DMD: variants seen among roughly 807,000 people sequenced by gnomAD.
The protein encoded by DMD is dystrophin.
DMD carries 63 observed loss-of-function variants against 330.1 expected under a neutral mutation model. That is an observed-to-expected ratio of 0.19 (90% CI 0.16 to 0.24). The LOEUF (loss-of-function observed/expected upper bound fraction) is 0.24, where lower values mean the gene tolerates loss of function less well. DMD is among the 10% of genes least tolerant of loss of function. The pLI is 1.00. For missense variants in DMD, 3,344 were observed against 2,684.1 expected (o/e 1.25, Z -5.43); for synonymous variants, 1,223 against 959.8 (o/e 1.27, Z -5.07).
At chrX:32,503,513 A>C (rs550476123) in intron 18 of DMD, among the ~76,000 whole-genome samples, 5 of 112,144 alleles carry the variant, frequency 4.5e-5, no homozygotes, top group South Asian at 3.7e-4. Flanking sequence ...TGTATCTGAA[A>C]AGACTATCTA....
rs771967319 is a variant in DMD at position 32,470,098 on chromosome X, G to C, written c.2950-1388C>G. On this transcript the variant is annotated intron_variant, in intron 22 of 78. Coordinates refer to ENST00000357033, the MANE Select transcript of DMD (RefSeq NM_004006.3). ...ATATCTTTTGTGTGTATGCAATTTA[G>C]TATGCAAAAAAAATTCTCATCTTGT... Among the ~76,000 whole-genome samples the C allele has an allele frequency of 9.9e-5, 11 of 111,037 alleles. No individual in the cohort carries two copies. The East Asian group carries it at 2.5e-3, about 25-fold the overall frequency.
intron 55 of DMD, among the ~76,000 whole-genome samples, chrX:31,581,959 TG>T (rs757956750): frequency 8.9e-6 from 1 of 111,996 alleles, no homozygotes; most frequent in Non-Finnish European, 1.9e-5. Context: ...TTTACATACT[TG>T]TATACCAGTG....
At chrX:32,133,180 G>C (rs1486598001) in intron 44 of DMD, among the ~76,000 whole-genome samples, 1 of 108,498 alleles carries the variant, frequency 9.2e-6, no homozygotes, top group Admixed American at 9.9e-5. Context: ...AGCTAATTTT[G>C]TATTTTTAGT....
rs150419246 is a variant in DMD, at chrX:31,295,737, G to A, written c.9224+27861C>T. 2.3e-4 allele frequency among the ~76,000 whole-genome samples: 26 copies of A among 112,134 alleles called. No individual in the cohort carries two copies. In the East Asian group the frequency reaches 7.3e-3, roughly 31 times the overall value. On this transcript the variant is annotated intron_variant, in intron 62 of 78. Transcript: ENST00000357033. ...CCTTGACTTAGTACTTTGTATTGGT[G>A]ATATATGGAATTGATTTCAACATTT...
chrX:31,376,215 C>A, intron 60 of DMD, among the ~76,000 whole-genome samples: 1 of 112,286 alleles, frequency 8.9e-6, no homozygotes, highest in Middle Eastern at 4.6e-3. Flanking sequence ...TCTTTAAAAT[C>A]ACCACCATAA....
chrX:31,354,603 C>A (rs1283170523), intron 60 of DMD, among the ~76,000 whole-genome samples: 2 of 111,576 alleles, frequency 1.8e-5, no homozygotes, highest in Non-Finnish European at 3.8e-5. Context: ...GTTATGAGGG[C>A]TATATATTAT....
chrX:31,707,836 G>C (rs1210772533), intron 52 of DMD, among the ~76,000 whole-genome samples: 1 of 110,286 alleles, frequency 9.1e-6, no homozygotes, highest in African/African-American at 3.3e-5. Flanking sequence ...AGGACACTAA[G>C]CCCGAATCTC....
At chrX:32,655,441 A>G (rs1482125147) in intron 9 of DMD, among the ~76,000 whole-genome samples, 2 of 111,744 alleles carry the variant, frequency 1.8e-5, no homozygotes, top group African/African-American at 6.5e-5. Context: ...CATGTAGTTG[A>G]GTGGTTTTGA....
At chrX:31,421,942 CATAT>C (rs1193667881) in intron 60 of DMD, among the ~76,000 whole-genome samples, 19 of 47,678 alleles carry the variant, frequency 4.0e-4, no homozygotes, top group African/African-American at 2.6e-3. Flanking sequence ...TACACACACA[CATAT>C]ATATATATAT....
chrX:31,828,453 C>T (rs183907500), intron 49 of DMD, among the ~76,000 whole-genome samples: 1 of 110,116 alleles, frequency 9.1e-6, no homozygotes. Context: ...ATCACTAGGT[C>T]AGGAGTTCGA....
At chrX:33,115,257 C>T (rs185719396) in intron 1 of DMD, among the ~76,000 whole-genome samples, 5 of 111,970 alleles carry the variant, frequency 4.5e-5, no homozygotes, top group African/African-American at 1.3e-4. Context: ...CAGGGATATA[C>T]ACTCCACATA....
chrX:32,952,958 A>C (rs2091337049), intron 2 of DMD, among the ~76,000 whole-genome samples: 1 of 109,539 alleles, frequency 9.1e-6, no homozygotes, highest in Non-Finnish European at 1.9e-5. Flanking sequence ...AACATGGTGA[A>C]GCCCCGTCTC....
At chrX:33,196,227 A>C in intron 1 of DMD, among the ~76,000 whole-genome samples, 1 of 112,130 alleles carries the variant, frequency 8.9e-6, no homozygotes, top group Non-Finnish European at 1.9e-5. Flanking sequence ...ACACAAAATT[A>C]CATGAACCAA....
chrX:32,593,268 T>C (rs2149253300), intron 13 of DMD, among the ~76,000 whole-genome samples: 1 of 112,980 alleles, frequency 8.9e-6, no homozygotes, highest in East Asian at 2.8e-4. Flanking sequence ...GATCTTAGCT[T>C]AAAGAAAACT....
At chrX:32,063,604 C>T (rs1010285301) in intron 44 of DMD, among the ~76,000 whole-genome samples, 2 of 111,244 alleles carry the variant, frequency 1.8e-5, no homozygotes, top group African/African-American at 6.5e-5. Flanking sequence ...CAAACACGAA[C>T]TTTTATGATT....
At chrX:32,832,428 ATTTCT>A (rs1569530966) in intron 4 of DMD, among the ~76,000 whole-genome samples, 3 of 110,713 alleles carry the variant, frequency 2.7e-5, no homozygotes, top group East Asian at 2.8e-4. Flanking sequence ...TGGTTCTTTC[ATTTCT>A]TTTCATTTCA....
At position 32,256,312 on chromosome X, in the gene DMD, G is replaced by GTT. The variant is rs34367828; in HGVS notation, c.6290+31215_6290+31216dup. On this transcript the variant is annotated intron_variant, in intron 43 of 78. Coordinates refer to ENST00000357033, the MANE Select transcript of DMD (RefSeq NM_004006.3). Reference sequence around the variant, plus strand: ...ATCAGAGACTAGGATTGTAACCCCTGTTTTTTTTTTTATTTTTTTTAATTT... The same window carrying GTT: ...ATCAGAGACTAGGATTGTAACCCCTGTTTTTTTTTTTTTATTTTTTTTAATTT... Among the ~76,000 whole-genome samples, 892 of 102,411 alleles carry GTT rather than the reference G, an allele frequency of 8.7e-3. 11 individuals carry two copies. The highest frequency in any genetic ancestry group is 0.029 in the African/African-American group (796 of 27,833). 88.9% of individuals were successfully genotyped at this position (102,411 alleles called of 115,157 possible).
intron 47 of DMD, among the ~76,000 whole-genome samples, chrX:31,912,131 T>G (rs905667933): frequency 1.8e-5 from 2 of 110,855 alleles, no homozygotes; most frequent in African/African-American, 6.6e-5. Context: ...AAAGTCATGG[T>G]CACTGTTCAC....
chrX:32,140,115 A>G (rs2096745346), intron 44 of DMD, among the ~76,000 whole-genome samples: 1 of 111,882 alleles, frequency 8.9e-6, no homozygotes, highest in Non-Finnish European at 1.9e-5. Flanking sequence ...TTAGTCACTA[A>G]TCTTAAGCTA....
Sources: gnomAD v4.1 joint callset for allele counts (sites outside exome capture counted in the v4.1 genomes callset) on GRCh38, gnomAD v4.1.1 for gene constraint, MANE v1.5 for transcripts, NCBI Gene and HGNC (gene_info 2026-07-23, HGNC 2026-07-21) for gene names.